PTCHD4: variants seen among roughly 807,000 people sequenced by gnomAD.
PTCHD4 encodes the protein patched domain containing 4, also known as patched domain-containing protein 4.
In PTCHD4, 33 loss-of-function variants were observed where a neutral mutation model predicts 58.1. That is an observed-to-expected ratio of 0.57 (90% CI 0.43 to 0.76). PTCHD4 has a LOEUF of 0.76. Ranked by LOEUF, PTCHD4 falls within the 30% of genes least tolerant of loss-of-function variation. The pLI is 0.00. For synonymous variants in PTCHD4, 478 were observed against 409.6 expected, an observed-to-expected ratio of 1.17 and a Z score of -2.02; for missense variants, 1,058 against 1,027.1, an observed-to-expected ratio of 1.03 and a Z score of -0.41.
chr6:47,969,855 GA>G (rs1767436818), intron 4 of PTCHD4, among the ~76,000 whole-genome samples: 4 of 151,948 alleles, frequency 2.6e-5, no homozygotes, highest in Admixed American at 2.0e-4. Context: ...GAAAATTACA[GA>G]AAAAAATTTT....
At chr6:47,944,613 G>A (rs976084535) in intron 4 of PTCHD4, among the ~76,000 whole-genome samples, 1 of 152,040 alleles carries the variant, frequency 6.6e-6, no homozygotes, top group Non-Finnish European at 1.5e-5. Flanking sequence ...TAAATAACAG[G>A]TACAGTGCTA....
At chr6:47,939,339 G>A (rs957214559) in intron 4 of PTCHD4, among the ~76,000 whole-genome samples, 2 of 151,306 alleles carry the variant, frequency 1.3e-5, no homozygotes, top group Admixed American at 1.3e-4. Flanking sequence ...GATGTCTCTG[G>A]TTGGAGACTA....
intron 3 of PTCHD4, among the ~76,000 whole-genome samples, chr6:48,019,573 A>G (rs1762988710): frequency 6.6e-6 from 1 of 152,036 alleles, no homozygotes; most frequent in South Asian, 2.1e-4. Flanking sequence ...TTTCTCTACT[A>G]AAAATACAAA....
intron 3 of PTCHD4, among the ~76,000 whole-genome samples, chr6:48,062,984 T>A (rs1331459775): frequency 6.6e-6 from 1 of 152,166 alleles, no homozygotes; most frequent in Admixed American, 6.5e-5. Flanking sequence ...CTTAAAGAAC[T>A]GAGAGTTCTA....
chr6:48,049,785 A>G (rs1764167195), intron 3 of PTCHD4, among the ~76,000 whole-genome samples: 1 of 151,948 alleles, frequency 6.6e-6, no homozygotes, highest in Non-Finnish European at 1.5e-5. Flanking sequence ...TGCTTTGGTA[A>G]CACACAATCT....
In PTCHD4 at chr6:47,868,354, C is replaced by A. The variant is rs146267060; in HGVS notation, c.*9949G>T. On this transcript the variant is annotated 3_prime_UTR_variant, in exon 5 of 5. Coordinates refer to ENST00000339488, the MANE Select transcript of PTCHD4 (RefSeq NM_001384253.1). ...CTTGAAATTCTTCCTTTATATGGGG[C>A]CTTATTATTGTGTAACTGGCTATAT... 2.6e-5 allele frequency among the ~76,000 whole-genome samples: 4 copies of A among 151,638 alleles called. No individual in the cohort carries two copies. The highest frequency in any genetic ancestry group is 2.0e-4 in the Admixed American group (3 of 15,178).
At chr6:48,075,213 T>C (rs1036067178) in intron 1 of PTCHD4, among the ~76,000 whole-genome samples, 3 of 152,152 alleles carry the variant, frequency 2.0e-5, no homozygotes, top group African/African-American at 7.2e-5. Context: ...TCTTGTTATG[T>C]TGTTGCATGT....
At chr6:48,059,824 T>C (rs889830424) in intron 3 of PTCHD4, among the ~76,000 whole-genome samples, 1 of 152,116 alleles carries the variant, frequency 6.6e-6, no homozygotes, top group Non-Finnish European at 1.5e-5. Flanking sequence ...CCTTCAGTGC[T>C]TCTAGGGCAC....
At chr6:48,054,531 T>C (rs1162763080) in intron 3 of PTCHD4, among the ~76,000 whole-genome samples, 1 of 152,160 alleles carries the variant, frequency 6.6e-6, no homozygotes, top group Non-Finnish European at 1.5e-5. Flanking sequence ...CAGTTTCTAT[T>C]AGCAAGTCAG....
intron 3 of PTCHD4, among the ~76,000 whole-genome samples, chr6:48,032,773 T>A (rs915271789): frequency 1.3e-5 from 2 of 152,134 alleles, no homozygotes; most frequent in Admixed American, 6.6e-5. Context: ...ACATAATAAT[T>A]TTTAAGAACA....
At chr6:47,980,511 T>C (rs930226160) in intron 4 of PTCHD4, among the ~76,000 whole-genome samples, 3 of 152,114 alleles carry the variant, frequency 2.0e-5, no homozygotes, top group Non-Finnish European at 4.4e-5. Flanking sequence ...TGGATTTTGA[T>C]TATATAAGTG....
At chr6:47,975,465 G>A (rs1241730590) in intron 4 of PTCHD4, among the ~76,000 whole-genome samples, 1 of 151,608 alleles carries the variant, frequency 6.6e-6, no homozygotes, top group Non-Finnish European at 1.5e-5. Flanking sequence ...CTGTTACATA[G>A]GACAATGTGT....
At chr6:47,980,691 A>G (rs904384943) in intron 4 of PTCHD4, among the ~76,000 whole-genome samples, 3 of 152,014 alleles carry the variant, frequency 2.0e-5, no homozygotes, top group South Asian at 4.1e-4. Flanking sequence ...CAAAGTAATT[A>G]TTTTAAATGA....
Position 47,864,315 on chromosome 6 carries a change from T to TATACACAG in PTCHD4, c.*13987_*13988insCTGTGTAT, listed in dbSNP as rs142961548. Among the ~76,000 whole-genome samples the TATACACAG allele has an allele frequency of 6.7e-6, 1 of 148,786 alleles. No homozygotes were observed. The highest frequency in any genetic ancestry group is 1.5e-5 in the Non-Finnish European group (1 of 67,052). On this transcript the variant is annotated 3_prime_UTR_variant, in exon 5 of 5. Coordinates refer to ENST00000339488, the MANE Select transcript of PTCHD4 (RefSeq NM_001384253.1). ...GCCCATTATTTTTGAGATATATATATACACACACACACACATATATATATA... is the reference window on the plus strand; with the variant it reads ...GCCCATTATTTTTGAGATATATATATATACACAGACACACACACACACATATATATATA...
rs1284376364 is a variant in PTCHD4 at position 47,871,691 on chromosome 6, T to C, written c.*6612A>G. On this transcript the variant is annotated 3_prime_UTR_variant, in exon 5 of 5. Transcript: ENST00000339488. ...AATATTGCTTTGTGGCTTTAATATATTGCCATTTAATCAAAGATTGCATGC... is the reference window on the plus strand; with the variant it reads ...AATATTGCTTTGTGGCTTTAATATACTGCCATTTAATCAAAGATTGCATGC... 6.6e-6 allele frequency among the ~76,000 whole-genome samples: 1 copy of C among 151,744 alleles called. No individual in the cohort carries two copies. Among genetic ancestry groups the C allele is most frequent in the Admixed American group, 6.6e-5 (1 of 15,184 alleles).
intron 4 of PTCHD4, 98 bp downstream of exon 4, chr6:48,008,536 A>G (rs1259781781): frequency 2.2e-5 from 30 of 1,360,972 alleles, no homozygotes; most frequent in African/African-American, 2.9e-5. Context: ...AGACACCCCA[A>G]TGCAAAATTA....
rs1763791939 is a variant in PTCHD4 at position 47,874,310 on chromosome 6, G to A, written c.*3993C>T. Among the ~76,000 whole-genome samples, 1 of 151,562 alleles carries A rather than the reference G, an allele frequency of 6.6e-6. No homozygotes were observed. Among genetic ancestry groups the A allele is most frequent in the Non-Finnish European group, 1.5e-5 (1 of 67,740 alleles). On this transcript the variant is annotated 3_prime_UTR_variant, in exon 5 of 5. Transcript: ENST00000339488. ...GGCCCTTAAGACCAAAAGCCATGAG[G>A]CATTTATGAATAGGTGATGTAAGAA...
In PTCHD4 at chr6:47,878,968, A is replaced by T; in HGVS notation, c.1867T>A (p.Leu623Met). The T allele has an allele frequency of 6.2e-7, 1 of 1,613,044 alleles. No homozygotes were observed. Among genetic ancestry groups the T allele is most frequent in the Non-Finnish European group, 8.5e-7 (1 of 1,179,778 alleles). Reference sequence around the variant, plus strand: ...AGGGATAGGGGCCTCAGCTTTTCCAACACTTCTGTGATTTCTTTCTGCTTG... The same window carrying T: ...AGGGATAGGGGCCTCAGCTTTTCCATCACTTCTGTGATTTCTTTCTGCTTG... ...RDKQKEITEVLEKLRPLSLSK... is the reference protein window; with the variant it reads ...RDKQKEITEVMEKLRPLSLSK... Residue 623 changes from leucine to methionine, a missense_variant, in exon 5 of 5, where the codon TTG becomes ATG. By Grantham distance (15) the Leu-to-Met change is conservative. Coordinates refer to ENST00000339488, the MANE Select transcript of PTCHD4 (RefSeq NM_001384253.1).
At position 47,997,894 on chromosome 6, in the gene PTCHD4, T is replaced by G. The variant is rs796503133; in HGVS notation, c.898+10740A>C. 2.7e-4 allele frequency among the ~76,000 whole-genome samples: 41 copies of G among 152,358 alleles called. 1 individual carries two copies. Among genetic ancestry groups the G allele is most frequent in the African/African-American group, 9.9e-4 (41 of 41,588 alleles). On this transcript the variant is annotated intron_variant, in intron 4 of 4. Coordinates refer to ENST00000339488, the MANE Select transcript of PTCHD4 (RefSeq NM_001384253.1). ...ATCTTTCTCTGCCAATTTTCTTTTT[T>G]GTTAGATCACTAGGTATGATAATAC...
Sources: allele counts gnomAD v4.1 joint callset (sites outside exome capture counted in the v4.1 genomes callset), GRCh38; gene constraint gnomAD v4.1.1; transcripts MANE v1.5; gene names NCBI Gene and HGNC (gene_info 2026-07-23, HGNC 2026-07-21).